Variants in PRUNE2 observed in about 807,000 individuals in gnomAD.
PRUNE2 encodes the protein protein prune homolog 2.
PRUNE2 carries 164 observed loss-of-function variants against 252.0 expected under a neutral mutation model. That is an observed-to-expected ratio of 0.65 (90% confidence interval 0.57 to 0.74). PRUNE2 has a LOEUF of 0.74. Ranked by LOEUF, PRUNE2 falls within the 30% of genes least tolerant of loss-of-function variation. The probability of loss-of-function intolerance (pLI) is 0.00; values close to 1 mark genes in which losing one functional copy is unlikely to be tolerated. For missense variants in PRUNE2, 3,495 were observed against 3,711.0 expected, an observed-to-expected ratio of 0.94 and a Z score of 1.51; for synonymous variants, 1,292 against 1,350.2, an observed-to-expected ratio of 0.96 and a Z score of 0.94.
chr9:76,715,290 C>G lies in PRUNE2; in HGVS notation c.757-1569G>C, dbSNP rs1286696603. Among the ~76,000 whole-genome samples, 5 of 152,284 alleles carry G rather than the reference C, an allele frequency of 3.3e-5. No individual in the cohort carries two copies. In the East Asian group the frequency reaches 9.7e-4, roughly 29 times the overall value. The stretch of plus-strand genomic sequence containing the variant: ...CAGCCACTTCAAAAAGCCATCATAC[C>G]CGTACTCTGTAATTCTGCTGAGTTG... On this transcript the variant is annotated intron_variant, in intron 6 of 18. Transcript: ENST00000376718.
chr9:76,715,147 T>C (rs138767699), intron 6 of PRUNE2, among the ~76,000 whole-genome samples: 4 of 152,218 alleles, frequency 2.6e-5, no homozygotes, highest in African/African-American at 9.6e-5. Flanking sequence ...GGACAGCCAC[T>C]GTGAAGATGT....
At chr9:76,796,389 CA>C (rs2056095438) in intron 6 of PRUNE2, among the ~76,000 whole-genome samples, 1 of 152,128 alleles carries the variant, frequency 6.6e-6, no homozygotes, top group South Asian at 2.1e-4. Flanking sequence ...CCTCATGCCC[CA>C]GGAAGGATAG....
Position 76,698,549 on chromosome 9 carries a change from A to T in PRUNE2, c.8276+4788T>A, listed in dbSNP as rs369670437. On this transcript the variant is annotated intron_variant, in intron 9 of 18. Transcript: ENST00000376718. ...ATCAACTCACCTCTGAGAAACGGCAAATGTTCAGAACTGGGGTACAGCTTG... is the reference window on the plus strand; with the variant it reads ...ATCAACTCACCTCTGAGAAACGGCATATGTTCAGAACTGGGGTACAGCTTG... Among the ~76,000 whole-genome samples the T allele has an allele frequency of 5.3e-5, 8 of 152,354 alleles. No homozygotes were observed. In the East Asian group the frequency reaches 1.5e-3, roughly 29 times the overall value.
intron 4 of PRUNE2, among the ~76,000 whole-genome samples, chr9:76,833,642 C>G (rs949127942): frequency 2.6e-5 from 4 of 151,572 alleles, no homozygotes; most frequent in Non-Finnish European, 5.9e-5. Flanking sequence ...GCAGGCGCCT[C>G]TAGTCCCAGC....
intron 1 of PRUNE2, among the ~76,000 whole-genome samples, chr9:76,880,035 T>C (rs962505879): frequency 1.4e-5 from 2 of 146,136 alleles, no homozygotes; most frequent in African/African-American, 5.1e-5. Flanking sequence ...TGCCTCAGCC[T>C]CCCGAGTAGC....
chr9:76,636,684 T>A (rs582011), intron 14 of PRUNE2, 127 bp from the exon 15 acceptor site: 369,839 of 590,916 alleles, frequency 0.63, 116,080 homozygotes, highest in South Asian at 0.71. Flanking sequence ...ATGCCTATAA[T>A]CCCAGCACTT....
chr9:76,631,086 C>A, intron 15 of PRUNE2, among the ~76,000 whole-genome samples: 1 of 152,176 alleles, frequency 6.6e-6, no homozygotes. Context: ...GAACAACCGT[C>A]CTCTCCATAC....
At chr9:76,860,303 C>T (rs1471138826) in intron 1 of PRUNE2, among the ~76,000 whole-genome samples, 2 of 152,208 alleles carry the variant, frequency 1.3e-5, no homozygotes, top group African/African-American at 4.8e-5. Flanking sequence ...AATACGAAAA[C>T]AACAGCAGTA....
In PRUNE2 at chr9:76,704,929, T is replaced by C. The variant is rs769085104; in HGVS notation, c.7345A>G (p.Arg2449Gly). ...ACAGCCAGCTGGGATCCAGGCAGTC[T>C]GTTTTTGGTCTCAGCCTGGTTTCCC... ...SEGNQAETKN[R>G]LPGSQLAVLH... The change falls in exon 8 of 19, where the codon AGA becomes GGA. Residue 2449 changes from arginine (R) to glycine (G), a missense_variant. Transcript: ENST00000376718. 6.2e-6 allele frequency: 10 copies of C among 1,612,488 alleles called. No individual in the cohort carries two copies. In the Admixed American group the frequency reaches 1.7e-4, roughly 27 times the overall value.
chr9:76,636,972 A>AGTGTGTGTGTGTGTGTGT (rs367745600), intron 14 of PRUNE2, among the ~76,000 whole-genome samples: 43 of 131,552 alleles, frequency 3.3e-4, no homozygotes, highest in Middle Eastern at 3.8e-3. Context: ...CAACAACAAA[A>AGTGTGTGTGTGTGTGTGT]ATGTGTGTGT....
At chr9:76,699,507 C>A (rs528100903) in intron 9 of PRUNE2, among the ~76,000 whole-genome samples, 1 of 152,274 alleles carries the variant, frequency 6.6e-6, no homozygotes, top group East Asian at 1.9e-4. Context: ...TCTGAAGTTT[C>A]CTGAAGAAGA....
chr9:76,708,521 T>C lies in PRUNE2; in HGVS notation c.3753A>G (p.Glu1251=), dbSNP rs757470603. Residue 1251 remains glutamate (E), a synonymous_variant, in exon 8 of 19, where the codon GAA becomes GAG. Coordinates refer to ENST00000376718, the MANE Select transcript of PRUNE2 (RefSeq NM_015225.3). ...TDSEQRELPP[E]IPSHSANVKD... ...TAACATTTGCTGAATGGCTGGGGAT[T>C]TCAGGAGGCAATTCCCTTTGCTCTG... 3 of 1,613,972 alleles carry C rather than the reference T, an allele frequency of 1.9e-6. No individual in the cohort carries two copies. Among genetic ancestry groups the C allele is most frequent in the Non-Finnish European group, 1.7e-6 (2 of 1,179,880 alleles).
chr9:76,818,295 G>T (rs2057817752), intron 6 of PRUNE2, among the ~76,000 whole-genome samples: 3 of 152,184 alleles, frequency 2.0e-5, no homozygotes, highest in African/African-American at 7.2e-5. Flanking sequence ...CTGGTGCGCT[G>T]AGTCTCAAAT....
chr9:76,788,577 G>A (rs2055253504), intron 6 of PRUNE2: 2 of 708,590 alleles, frequency 2.8e-6, no homozygotes, highest in Admixed American at 4.1e-5. Context: ...TGTGTGGCAA[G>A]TATTGAATAA....
chr9:76,851,527 G>A (rs887099416), intron 2 of PRUNE2, among the ~76,000 whole-genome samples: 14 of 148,806 alleles, frequency 9.4e-5, no homozygotes, highest in African/African-American at 3.0e-4. Flanking sequence ...CAGCATGGGG[G>A]ACAGAGCAAG....
At chr9:76,650,118 A>G (rs780069322) in intron 11 of PRUNE2, among the ~76,000 whole-genome samples, 12 of 152,136 alleles carry the variant, frequency 7.9e-5, no homozygotes, top group African/African-American at 1.2e-4. Context: ...AAGGGCAACA[A>G]TGAGCTGTGT....
At chr9:76,671,736 G>T (rs2041522890) in intron 9 of PRUNE2, among the ~76,000 whole-genome samples, 1 of 150,938 alleles carries the variant, frequency 6.6e-6, no homozygotes, top group Non-Finnish European at 1.5e-5. Context: ...GAAGAGAGTG[G>T]GGGCCAATAT....
chr9:76,650,128 T>C (rs1458009251), intron 11 of PRUNE2, among the ~76,000 whole-genome samples: 1 of 152,122 alleles, frequency 6.6e-6, no homozygotes, highest in Non-Finnish European at 1.5e-5. Flanking sequence ...ATGAGCTGTG[T>C]GACCTTAGGC....
rs772152187 is a variant in PRUNE2 at position 76,709,030 on chromosome 9, G to A, written c.3244C>T (p.Pro1082Ser). ...GESSQSSYDDPSMMQLYNETN... is the reference protein window; with the variant it reads ...GESSQSSYDDSSMMQLYNETN... ...TCATTGTACAGTTGCATCATGCTGGGGTCGTCGTAACTGGACTGGCTGCTT... is the reference window on the plus strand; with the variant it reads ...TCATTGTACAGTTGCATCATGCTGGAGTCGTCGTAACTGGACTGGCTGCTT... Residue 1082 changes from proline (P) to serine (S), a missense_variant, in exon 8 of 19, where the codon CCC becomes TCC. Physicochemically the swap from Pro to Ser is moderately conservative, Grantham distance 74 (BLOSUM62 -1). Coordinates refer to ENST00000376718, the MANE Select transcript of PRUNE2 (RefSeq NM_015225.3). 4 of 1,613,944 alleles carry A rather than the reference G, an allele frequency of 2.5e-6. No homozygotes were observed. The highest frequency in any genetic ancestry group is 3.4e-6 in the Non-Finnish European group (4 of 1,179,890).
Sources: allele counts gnomAD v4.1 joint callset (sites outside exome capture counted in the v4.1 genomes callset), GRCh38; gene constraint gnomAD v4.1.1; transcripts MANE v1.5; gene names NCBI Gene and HGNC (gene_info 2026-07-23, HGNC 2026-07-21).